IL21R: variants seen among roughly 807,000 people sequenced by gnomAD.
IL21R encodes interleukin 21 receptor.
Under a neutral mutation model 41.3 loss-of-function variants are expected in IL21R, and 14 were observed. The ratio of observed to expected loss-of-function variants is 0.34; its 90% confidence interval spans 0.22 to 0.53. IL21R has a LOEUF of 0.53. Among genes scored for constraint, IL21R ranks in the 20% least tolerant of loss-of-function variants. IL21R has a pLI of 0.94. For missense variants in IL21R, 588 were observed against 681.6 expected, an observed-to-expected ratio of 0.86 and a Z score of 1.53; for synonymous variants, 286 against 287.6, an observed-to-expected ratio of 0.99 and a Z score of 0.05.
In IL21R at chr16:27,417,368, T is replaced by C. The variant is rs561944030; in HGVS notation, c.-16-12688T>C. 2.6e-5 allele frequency among the ~76,000 whole-genome samples: 4 copies of C among 152,252 alleles called. No individual in the cohort carries two copies. The East Asian group carries it at 5.8e-4, about 22-fold the overall frequency. On this transcript the variant is annotated intron_variant, in intron 1 of 8. Coordinates refer to ENST00000337929, the MANE Select transcript of IL21R (RefSeq NM_181078.3). ...TTTTTGTAGAGATGAGGTCTTGCCATGTTACCCAGGCTAGTCTCAAACTCC... is the reference window on the plus strand; with the variant it reads ...TTTTTGTAGAGATGAGGTCTTGCCACGTTACCCAGGCTAGTCTCAAACTCC...
chr16:27,441,677 C>T (rs975972062), intron 4 of IL21R, among the ~76,000 whole-genome samples: 8 of 152,178 alleles, frequency 5.3e-5, no homozygotes, highest in Non-Finnish European at 1.2e-4. Context: ...TTTGCCAGCA[C>T]GTTGCTGAGA....
chr16:27,449,743 C>CCT lies in IL21R; in HGVS notation c.*460_*461insCT. ...ATCAGGGCATTGCCTGTGACTGAGG[C>CCT]GGAGCCCAGCCCTCCAGCGTCTGCC... is the stretch of plus-strand genomic sequence containing the variant. On this transcript the variant is annotated 3_prime_UTR_variant, in exon 9 of 9. Transcript: ENST00000337929. 1 of 239,296 alleles carries CCT rather than the reference C, an allele frequency of 4.2e-6. No homozygotes were observed. The allele number at this position is 239,296 out of a possible 1,614,324, so 14.8% of individuals were successfully genotyped here.
chr16:27,419,338 A>G (rs1282091047), intron 1 of IL21R, among the ~76,000 whole-genome samples: 1 of 152,222 alleles, frequency 6.6e-6, no homozygotes, highest in Admixed American at 6.5e-5. Context: ...CTTCAGTGGC[A>G]AAAACACACA....
chr16:27,441,460 C>T (rs1023633448), intron 4 of IL21R, among the ~76,000 whole-genome samples: 1 of 152,298 alleles, frequency 6.6e-6, no homozygotes, highest in Non-Finnish European at 1.5e-5. Flanking sequence ...TGCCAGGAGA[C>T]GCTGAAAGAT....
Position 27,432,114 on chromosome 16 carries a change from C to T in IL21R, c.49+1994C>T, listed in dbSNP as rs1218436675. Among the ~76,000 whole-genome samples, 3 of 152,210 alleles carry T rather than the reference C, an allele frequency of 2.0e-5. 1 individual carries two copies. Among genetic ancestry groups the T allele is most frequent in the Admixed American group, 1.3e-4 (2 of 15,284 alleles). On this transcript the variant is annotated intron_variant, in intron 2 of 8. Transcript: ENST00000337929. ...CCATGACTTAATCATCTCCTAGAGTCCCCACCTTTTAATATGATCACATTG... is the reference window on the plus strand; with the variant it reads ...CCATGACTTAATCATCTCCTAGAGTTCCCACCTTTTAATATGATCACATTG...
At chr16:27,418,289 C>T (rs1300451877) in intron 1 of IL21R, among the ~76,000 whole-genome samples, 2 of 151,666 alleles carry the variant, frequency 1.3e-5, no homozygotes, top group African/African-American at 4.8e-5. Flanking sequence ...AGGATGGTCT[C>T]GATCTCCTGA....
chr16:27,425,573 CAG>C (rs1280776309), intron 1 of IL21R, among the ~76,000 whole-genome samples: 5 of 149,542 alleles, frequency 3.3e-5, no homozygotes, highest in African/African-American at 1.3e-4. Flanking sequence ...TTTTTTGAGA[CAG>C]AGTGTCTTGC....
chr16:27,426,163 G>A (rs1490095981), intron 1 of IL21R, among the ~76,000 whole-genome samples: 1 of 152,190 alleles, frequency 6.6e-6, no homozygotes. Context: ...GGCCCAGAAA[G>A]GTTAAGCAAA....
At chr16:27,433,013 A>G (rs2087201204) in intron 2 of IL21R, among the ~76,000 whole-genome samples, 1 of 152,224 alleles carries the variant, frequency 6.6e-6, no homozygotes, top group Admixed American at 6.5e-5. Flanking sequence ...TCTCATCTCT[A>G]CAATGAACTA....
chr16:27,409,970 T>A (rs987025748), intron 1 of IL21R, among the ~76,000 whole-genome samples: 1 of 152,312 alleles, frequency 6.6e-6, no homozygotes, highest in Admixed American at 6.5e-5. Context: ...TCCATGAACA[T>A]AGTATGTACC....
At chr16:27,436,774 T>C (rs2087278424) in intron 3 of IL21R, among the ~76,000 whole-genome samples, 1 of 152,010 alleles carries the variant, frequency 6.6e-6, no homozygotes, top group African/African-American at 2.4e-5. Flanking sequence ...TATTATTAGA[T>C]ATTCAGTGGA....
In IL21R at chr16:27,434,630, G is replaced by A. The variant is rs983137056; in HGVS notation, c.152+181G>A. Among the ~76,000 whole-genome samples, 54 of 152,158 alleles carry A rather than the reference G, an allele frequency of 3.5e-4. 1 individual carries two copies. Among genetic ancestry groups the A allele is most frequent in the South Asian group, 2.1e-3 (10 of 4,808 alleles). ...GTTGGTCTATCCACCAGCTTCAAAG[G>A]CCACTCTCTCACCCACACAGGTCGG... On this transcript the variant is annotated intron_variant, in intron 3 of 8. Transcript: ENST00000337929.
Position 27,403,507 on chromosome 16 carries a change from A to C in IL21R, c.-17+889A>C, listed in dbSNP as rs562370691. Among the ~76,000 whole-genome samples, 9 of 152,296 alleles carry C rather than the reference A, an allele frequency of 5.9e-5. No homozygotes were observed. In the South Asian group the frequency reaches 1.9e-3, roughly 32 times the overall value. ...ATGGTGGAGTCGGGGAAAACCTGCCAGGTCAAAACCCGGCCACGCGCCTTC... is the reference window on the plus strand; with the variant it reads ...ATGGTGGAGTCGGGGAAAACCTGCCCGGTCAAAACCCGGCCACGCGCCTTC... On this transcript the variant is annotated intron_variant, in intron 1 of 8. Transcript: ENST00000337929.
chr16:27,430,330 G>T (rs1049331847), intron 2 of IL21R, among the ~76,000 whole-genome samples: 1 of 152,202 alleles, frequency 6.6e-6, no homozygotes, highest in Admixed American at 6.5e-5. Context: ...AAACAGAAGC[G>T]GTAGACATGA....
chr16:27,447,280 TA>T, intron 8 of IL21R, among the ~76,000 whole-genome samples: 1 of 152,226 alleles, frequency 6.6e-6, no homozygotes, highest in East Asian at 1.9e-4. Context: ...GTGACTCATT[TA>T]ATCCTCACGA....
chr16:27,427,313 G>A, intron 1 of IL21R: 1 of 985,618 alleles, frequency 1.0e-6, no homozygotes, highest in Non-Finnish European at 1.2e-6. Flanking sequence ...GCAGGCAGAA[G>A]CAGCAGGTAC....
Position 27,443,119 on chromosome 16 carries a change from G to A in IL21R, c.507+3G>A. 1.2e-6 allele frequency: 2 copies of A among 1,607,456 alleles called. No homozygotes were observed. Among genetic ancestry groups the A allele is most frequent in the South Asian group, 2.2e-5 (2 of 90,008 alleles). The stretch of plus-strand genomic sequence containing the variant: ...ACCGGGGAGACCCCTGGGCTGTGGT[G>A]AGGAATGTGGGGATCAGTGCAGCTT... On this transcript the variant is annotated splice_donor_region_variant and intron_variant, in intron 5 of 8. Coordinates refer to ENST00000337929, the MANE Select transcript of IL21R (RefSeq NM_181078.3).
intron 1 of IL21R, among the ~76,000 whole-genome samples, chr16:27,405,025 C>CTT (rs796105799): frequency 6.9e-6 from 1 of 145,800 alleles, no homozygotes; most frequent in African/African-American, 2.5e-5. Context: ...TCATGTTTTA[C>CTT]TTTTTTTTTT....
chr16:27,416,482 C>T (rs1172080350), intron 1 of IL21R, among the ~76,000 whole-genome samples: 1 of 152,126 alleles, frequency 6.6e-6, no homozygotes, highest in African/African-American at 2.4e-5. Flanking sequence ...TCATTTCACC[C>T]TACAGTAACT....
Sources: gnomAD v4.1 joint callset for allele counts (sites outside exome capture counted in the v4.1 genomes callset) on GRCh38, gnomAD v4.1.1 for gene constraint, MANE v1.5 for transcripts, NCBI Gene and HGNC (gene_info 2026-07-23, HGNC 2026-07-21) for gene names.